CEP112: variants seen among roughly 807,000 people sequenced by gnomAD.
CEP112 encodes the protein centrosomal protein of 112 kDa.
CEP112 carries 127 observed loss-of-function variants against 153.0 expected under a neutral mutation model. The observed-to-expected ratio is 0.83, with a 90% CI of 0.72 to 0.96. The LOEUF is 0.96. Ranked by LOEUF, CEP112 falls within the 40% of genes least tolerant of loss-of-function variation. The pLI is 0.00. For synonymous variants in CEP112, 358 were observed against 374.4 expected, an observed-to-expected ratio of 0.96 and a Z score of 0.51; for missense variants, 1,089 against 1,101.2, an observed-to-expected ratio of 0.99 and a Z score of 0.16.
chr17:65,802,771 A>G (rs1201536966), intron 21 of CEP112, among the ~76,000 whole-genome samples: 2 of 152,202 alleles, frequency 1.3e-5, no homozygotes, highest in African/African-American at 4.8e-5. Context: ...TGCCTAACTC[A>G]TTATACTCAG....
chr17:65,819,846 T>C (rs1320282193), intron 21 of CEP112, among the ~76,000 whole-genome samples: 1 of 151,932 alleles, frequency 6.6e-6, no homozygotes, highest in East Asian at 1.9e-4. Context: ...AATAAAGAGA[T>C]ATAACAACTA....
intron 20 of CEP112, among the ~76,000 whole-genome samples, chr17:65,876,605 T>G (rs2058836788): frequency 6.6e-6 from 1 of 152,208 alleles, no homozygotes; most frequent in Admixed American, 6.5e-5. Context: ...ACCTATACCC[T>G]TCGGCCCTGT....
chr17:65,757,355 T>C (rs2052350377), intron 21 of CEP112, among the ~76,000 whole-genome samples: 1 of 152,144 alleles, frequency 6.6e-6, no homozygotes, highest in Non-Finnish European at 1.5e-5. Flanking sequence ...TCATTATCTC[T>C]GCAAAGTAGG....
In CEP112 at chr17:65,760,442, C is replaced by G. The variant is rs990184142; in HGVS notation, c.2395-9718G>C. On this transcript the variant is annotated intron_variant, in intron 21 of 26. Coordinates refer to ENST00000535342, the MANE Select transcript of CEP112 (RefSeq NM_001199165.4). ...AAGTTGAGGAAGTTCACCTCTATTC[C>G]TAGTTTGCTGAGATTTTTTTTCATG... is the stretch of plus-strand genomic sequence containing the variant. Among the ~76,000 whole-genome samples, 7 of 151,976 alleles carry G rather than the reference C, an allele frequency of 4.6e-5. No individual in the cohort carries two copies. In the East Asian group the frequency reaches 1.3e-3, roughly 29 times the overall value.
At chr17:65,693,451 G>A (rs1447241097) in intron 23 of CEP112, among the ~76,000 whole-genome samples, 4 of 118,348 alleles carry the variant, frequency 3.4e-5, no homozygotes, top group African/African-American at 1.0e-4. Context: ...TGAAGTCAAG[G>A]GATTAAAAAA....
chr17:65,900,275 T>C (rs2059798918), intron 20 of CEP112, among the ~76,000 whole-genome samples: 1 of 152,186 alleles, frequency 6.6e-6, no homozygotes, highest in African/African-American at 2.4e-5. Context: ...GGCATTCCCT[T>C]GACAGCAATT....
intron 23 of CEP112, among the ~76,000 whole-genome samples, chr17:65,736,226 G>T (rs1332097751): frequency 6.6e-6 from 1 of 152,154 alleles, no homozygotes; most frequent in Non-Finnish European, 1.5e-5. Flanking sequence ...GGGAAGGAAA[G>T]AATTAATTCA....
intron 16 of CEP112, among the ~76,000 whole-genome samples, chr17:66,006,236 G>A (rs1036897): frequency 6.6e-6 from 1 of 152,218 alleles, no homozygotes; most frequent in Admixed American, 6.5e-5. Context: ...CCCACTCCCC[G>A]CACCATGCCT....
chr17:66,107,355 G>A (rs1009958877), intron 6 of CEP112, among the ~76,000 whole-genome samples: 2 of 151,964 alleles, frequency 1.3e-5, no homozygotes, highest in Non-Finnish European at 2.9e-5. Flanking sequence ...GTCAAATTAT[G>A]CTTGTCTGCA....
At chr17:65,964,678 A>C (rs1472190755) in intron 17 of CEP112, among the ~76,000 whole-genome samples, 1 of 139,916 alleles carries the variant, frequency 7.1e-6, no homozygotes, top group Non-Finnish European at 1.5e-5. Flanking sequence ...GCAAGCTCAG[A>C]GGGAAAGGGT....
chr17:66,041,663 C>T (rs1219541781), intron 12 of CEP112, among the ~76,000 whole-genome samples: 1 of 152,040 alleles, frequency 6.6e-6, no homozygotes, highest in Non-Finnish European at 1.5e-5. Flanking sequence ...GGGCCATGTC[C>T]AAGAAGCACA....
intron 18 of CEP112, among the ~76,000 whole-genome samples, chr17:65,943,482 C>T (rs1028814551): frequency 1.3e-5 from 2 of 151,938 alleles, no homozygotes; most frequent in African/African-American, 2.4e-5. Flanking sequence ...CTTAGTTGCC[C>T]GATAAGAAAT....
chr17:66,051,959 G>A (rs1224874673), intron 12 of CEP112, among the ~76,000 whole-genome samples: 1 of 152,146 alleles, frequency 6.6e-6, no homozygotes, highest in African/African-American at 2.4e-5. Context: ...AGCTTAGCCT[G>A]GCCTATCTTA....
rs1028559146 is a variant in CEP112, at chr17:65,690,248, G to T, written c.2608-1030C>A. 2.6e-5 allele frequency among the ~76,000 whole-genome samples: 4 copies of T among 151,110 alleles called. No homozygotes were observed. The Admixed American group carries it at 2.7e-4, about 10-fold the overall frequency. The stretch of plus-strand genomic sequence containing the variant: ...AAGATCAGCCTGGGCAACATAGCAA[G>T]ATCTTTTCTACAATTTTTTAAAATT... On this transcript the variant is annotated intron_variant, in intron 23 of 26. Coordinates refer to ENST00000535342, the MANE Select transcript of CEP112 (RefSeq NM_001199165.4).
At chr17:65,766,707 T>TAA (rs139229209) in intron 21 of CEP112, among the ~76,000 whole-genome samples, 2,454 of 140,372 alleles carry the variant, frequency 0.017, 37 homozygotes, top group African/African-American at 0.03. Flanking sequence ...ACGCAAATGG[T>TAA]AAAAAAAAAA....
intron 4 of CEP112, among the ~76,000 whole-genome samples, chr17:66,146,644 C>G (rs1385071363): frequency 6.6e-6 from 1 of 151,982 alleles, no homozygotes; most frequent in Non-Finnish European, 1.5e-5. Flanking sequence ...AAACTGAAAC[C>G]CTACAGTCAT....
intron 8 of CEP112, among the ~76,000 whole-genome samples, chr17:66,076,580 C>T (rs1241032094): frequency 1.3e-5 from 2 of 152,170 alleles, no homozygotes; most frequent in Non-Finnish European, 2.9e-5. Context: ...TGAGCTCAGA[C>T]ATGCCTAGCC....
chr17:66,184,964 G>A (rs1365474990), intron 1 of CEP112, among the ~76,000 whole-genome samples: 3 of 151,658 alleles, frequency 2.0e-5, no homozygotes, highest in African/African-American at 7.2e-5. Context: ...TATGCTAAGT[G>A]AAAGAAGCCC....
At chr17:65,869,807 G>C (rs1290779332) in intron 20 of CEP112, among the ~76,000 whole-genome samples, 1 of 151,278 alleles carries the variant, frequency 6.6e-6, no homozygotes. Context: ...GGATGGTCTC[G>C]ATCTCCTGAC....
Sources: gnomAD v4.1 joint callset for allele counts (sites outside exome capture counted in the v4.1 genomes callset) on GRCh38, gnomAD v4.1.1 for gene constraint, MANE v1.5 for transcripts, NCBI Gene and HGNC (gene_info 2026-07-23, HGNC 2026-07-21) for gene names.